MAF: variants seen among roughly 807,000 people sequenced by gnomAD.
MAF encodes the protein MAF bZIP transcription factor.
In MAF, 10 loss-of-function variants were observed where a neutral mutation model predicts 22.0. The ratio of observed to expected loss-of-function variants is 0.45; its 90% CI spans 0.28 to 0.77. The LOEUF is 0.77. Among genes scored for constraint, MAF ranks in the 30% least tolerant of loss-of-function variants. The pLI is 0.12. For synonymous variants in MAF, 337 were observed against 255.8 expected, an observed-to-expected ratio of 1.32 and a Z score of -3.03; for missense variants, 544 against 548.4, an observed-to-expected ratio of 0.99 and a Z score of 0.08.
At chr16:79,436,379 G>A in the MAF span, among the ~76,000 whole-genome samples, 25 of 152,274 alleles carry the variant, frequency 1.6e-4, no homozygotes, top group East Asian at 4.1e-3. Flanking sequence ...CACCGCGTCT[G>A]GCTGAGATTA....
chr16:79,522,776 A>G, the MAF span, among the ~76,000 whole-genome samples: 1 of 152,240 alleles, frequency 6.6e-6, no homozygotes, highest in Admixed American at 6.5e-5. Flanking sequence ...GGCAAAAGTC[A>G]TCTAATATCA....
downstream of MAF, among the ~76,000 whole-genome samples, chr16:79,592,766 T>A (rs1913259865): frequency 6.6e-6 from 1 of 152,162 alleles, no homozygotes; most frequent in Non-Finnish European, 1.5e-5. Flanking sequence ...TCACTGCAGA[T>A]AAAACTTCTC....
At chr16:79,366,181 T>C in the MAF span, among the ~76,000 whole-genome samples, 2 of 152,202 alleles carry the variant, frequency 1.3e-5, no homozygotes, top group African/African-American at 4.8e-5. Context: ...CTGGGAATAG[T>C]ATCAGGACAT....
At chr16:79,245,657 C>A in the MAF span, among the ~76,000 whole-genome samples, 2 of 152,008 alleles carry the variant, frequency 1.3e-5, no homozygotes, top group African/African-American at 4.8e-5. Flanking sequence ...GGCAATTCCT[C>A]AAGGACCTAG....
chr16:79,586,708 A>G (rs1306795763), intron 1 of MAF, among the ~76,000 whole-genome samples: 1 of 152,208 alleles, frequency 6.6e-6, no homozygotes, highest in Non-Finnish European at 1.5e-5. Flanking sequence ...AATAATTATC[A>G]TTTACTGTAC....
At chr16:79,407,992 C>T in the MAF span, among the ~76,000 whole-genome samples, 2 of 148,416 alleles carry the variant, frequency 1.3e-5, no homozygotes, top group Non-Finnish European at 3.0e-5. Flanking sequence ...AGAGGGAGAT[C>T]GACCCTCATG....
At chr16:79,473,213 G>A in the MAF span, among the ~76,000 whole-genome samples, 3,183 of 152,184 alleles carry the variant, frequency 0.021, 114 homozygotes, top group African/African-American at 0.073. Flanking sequence ...CTCTGTGGAG[G>A]GGGAGGGAGT....
chr16:79,334,655 G>C, the MAF span, among the ~76,000 whole-genome samples: 2 of 152,234 alleles, frequency 1.3e-5, no homozygotes, highest in East Asian at 1.9e-4. Flanking sequence ...TGAAAAGCAG[G>C]CCCTTCTAAG....
the MAF span, among the ~76,000 whole-genome samples, chr16:79,336,631 G>T: frequency 6.6e-6 from 1 of 152,002 alleles, no homozygotes; most frequent in Non-Finnish European, 1.5e-5. Flanking sequence ...TGGTTAAGAA[G>T]GGACAACACA....
chr16:79,455,084 G>A, the MAF span, among the ~76,000 whole-genome samples: 23 of 149,466 alleles, frequency 1.5e-4, no homozygotes, highest in East Asian at 1.2e-3. Context: ...CAACAAGAGC[G>A]AAACTCCGTC....
At chr16:79,572,623 C>T in the MAF span, among the ~76,000 whole-genome samples, 42,465 of 152,100 alleles carry the variant, frequency 0.28, 6,881 homozygotes, top group Non-Finnish European at 0.38. Context: ...AGGAGGGAAA[C>T]ATGCCAAATG....
chr16:79,559,986 T>A, the MAF span, among the ~76,000 whole-genome samples: 1 of 152,182 alleles, frequency 6.6e-6, no homozygotes, highest in African/African-American at 2.4e-5. Context: ...TCGCTGCAGC[T>A]GTGAACCTCT....
At chr16:79,493,703 G>C in the MAF span, among the ~76,000 whole-genome samples, 4 of 152,174 alleles carry the variant, frequency 2.6e-5, no homozygotes, top group Non-Finnish European at 5.9e-5. Flanking sequence ...TAAAAGGGTG[G>C]AGCTAATGAC....
At chr16:79,381,376 G>C in the MAF span, among the ~76,000 whole-genome samples, 1 of 152,228 alleles carries the variant, frequency 6.6e-6, no homozygotes. Context: ...GAATCTTTAA[G>C]GCTGATACGA....
the MAF span, among the ~76,000 whole-genome samples, chr16:79,289,338 T>C: frequency 6.6e-6 from 1 of 151,802 alleles, no homozygotes; most frequent in Non-Finnish European, 1.5e-5. Context: ...GGGAAATCAT[T>C]ATGAGGTTAA....
At chr16:79,568,211 G>C in the MAF span, among the ~76,000 whole-genome samples, 15 of 152,332 alleles carry the variant, frequency 9.8e-5, no homozygotes, top group African/African-American at 2.4e-4. Context: ...CTGTAGTTCA[G>C]ATAGGAGCTG....
the MAF span, among the ~76,000 whole-genome samples, chr16:79,480,042 C>T: frequency 6.6e-6 from 1 of 152,180 alleles, no homozygotes; most frequent in African/African-American, 2.4e-5. Flanking sequence ...CCATTCTACT[C>T]TCTCCCTTAG....
At chr16:79,506,307 A>G in the MAF span, among the ~76,000 whole-genome samples, 25 of 152,182 alleles carry the variant, frequency 1.6e-4, no homozygotes, top group Non-Finnish European at 4.4e-5. Flanking sequence ...GAGGCTCGGC[A>G]AAGTCCAAGG....
chr16:79,409,477 G>C, the MAF span, among the ~76,000 whole-genome samples: 1 of 152,232 alleles, frequency 6.6e-6, no homozygotes, highest in African/African-American at 2.4e-5. Flanking sequence ...GCTGAGTTCA[G>C]CTTGCTCGAT....
Sources: allele counts gnomAD v4.1 joint callset (sites outside exome capture counted in the v4.1 genomes callset), GRCh38; gene constraint gnomAD v4.1.1; transcripts MANE v1.5; gene names NCBI Gene and HGNC (gene_info 2026-07-23, HGNC 2026-07-21).